Variants in PDP2 observed in about 807,000 individuals in gnomAD.
PDP2 encodes the protein pyruvate dehydrogenase phosphatase catalytic subunit 2.
A neutral mutation model predicts 34.2 loss-of-function variants in PDP2; 23 were observed. The ratio of observed to expected loss-of-function variants is 0.67; its 90% CI spans 0.48 to 0.95. PDP2 has a LOEUF of 0.95. Ranked by LOEUF, PDP2 falls within the 40% of genes least tolerant of loss-of-function variation. The pLI is 0.00. For missense variants in PDP2, 571 were observed against 659.6 expected, an observed-to-expected ratio of 0.87 and a Z score of 1.47; for synonymous variants, 275 against 269.2, an observed-to-expected ratio of 1.02 and a Z score of -0.21.
rs765846303 is a variant in PDP2, at chr16:66,885,110, G to T, written c.826G>T (p.Gly276Ter). Residue 276 changes from glycine to a stop codon, truncating the protein, a stop_gained, in exon 2 of 2, where the codon GGA becomes TGA. Transcript: ENST00000311765. LOFTEE classifies it high-confidence loss of function. This position sits in a 1 kb window ranked among gnomAD's most constrained non-coding sequence, Gnocchi z 4.6. ...AACAGCTTGCATGGCCCATGTTGAT[G>T]GAATTCACTTGCACGTGGCAAATGC... The part of the protein sequence containing the change: ...GATACMAHVD[G>*]IHLHVANAGD... The T allele has an allele frequency of 6.2e-7, 1 of 1,614,006 alleles. No homozygotes were observed.
rs541500962 is a variant in PDP2 at position 66,887,324 on chromosome 16, C to T, written c.*1450C>T. On this transcript the variant is annotated 3_prime_UTR_variant, in exon 2 of 2. Transcript: ENST00000311765. ...GCATTTAAACAACAGGAAATGTGTC[C>T]CTAAATGGAAACAAATATAATCCCA... The T allele has an allele frequency of 1.0e-3, 174 of 166,480 alleles. No individual in the cohort carries two copies. The highest frequency in any genetic ancestry group is 2.0e-3 in the Non-Finnish European group (133 of 68,110). The allele number at this position is 166,480 out of a possible 1,614,324, so 10.3% of individuals were successfully genotyped here.
Position 66,886,588 on chromosome 16 carries a change from GC to G in PDP2, c.*715del, listed in dbSNP as rs1961775600. ...CTCTGGACCAGCTGAACTTACTGGTGCAGCTTTTTGTGCCCTCTACTGAGTC... is the reference window on the plus strand; with the variant it reads ...CTCTGGACCAGCTGAACTTACTGGTGAGCTTTTTGTGCCCTCTACTGAGTC... On this transcript the variant is annotated 3_prime_UTR_variant, in exon 2 of 2. Coordinates refer to ENST00000311765, the MANE Select transcript of PDP2 (RefSeq NM_020786.4). The G allele has an allele frequency of 2.1e-6, 1 of 466,224 alleles. No homozygotes were observed. 28.9% of individuals were successfully genotyped at this position (466,224 alleles called of 1,614,324 possible). A position where few individuals can be genotyped will look rare whatever the true frequency, so the allele number is the denominator to read the frequency against.
At chr16:66,883,421 C>T (rs1432031502) in intron 1 of PDP2, among the ~76,000 whole-genome samples, 1 of 151,752 alleles carries the variant, frequency 6.6e-6, no homozygotes, top group Admixed American at 6.6e-5. Flanking sequence ...CGTGAGCCAC[C>T]GCGTCAGGCC....
chr16:66,887,958 A>G lies in PDP2; in HGVS notation c.*2084A>G, dbSNP rs1021726237. 9 of 151,740 alleles carry G rather than the reference A, an allele frequency of 5.9e-5. 1 individual carries two copies. Among genetic ancestry groups the G allele is most frequent in the Non-Finnish European group, 1.5e-5 (1 of 67,912 alleles). The allele number at this position is 151,740 out of a possible 1,614,324, so 9.4% of individuals were successfully genotyped here. ...CAAGAGTGAAACTCTGTCTCAAAAA[A>G]AAAAAAAAAAAATCCATCTTATCTC... On this transcript the variant is annotated 3_prime_UTR_variant, in exon 2 of 2. Transcript: ENST00000311765.
In PDP2 at chr16:66,890,835, TGGCACTATCTGAGTGGAA is replaced by T. The variant is rs1306138683; in HGVS notation, c.*4962_*4979del. ...GCCAGCCTGTGATGAGAGCTGCCCC[TGGCACTATCTGAGTGGAA>T]AGCTCATTGGGACAGCCATGCAGCT... On this transcript the variant is annotated 3_prime_UTR_variant, in exon 2 of 2. Coordinates refer to ENST00000311765, the MANE Select transcript of PDP2 (RefSeq NM_020786.4). 1.3e-5 allele frequency: 2 copies of T among 152,212 alleles called. No homozygotes were observed. Among genetic ancestry groups the T allele is most frequent in the Non-Finnish European group, 2.9e-5 (2 of 68,036 alleles). The allele number at this position is 152,212 out of a possible 1,614,324, so 9.4% of individuals were successfully genotyped here. A position where few individuals can be genotyped will look rare whatever the true frequency, so the allele number is the denominator to read the frequency against.
In PDP2 at chr16:66,887,480, G is replaced by T. The variant is rs1961810753; in HGVS notation, c.*1606G>T. ...TACTGAAAAGAAAAACAAATAGCTA[G>T]GTTTGGTTTCCTGTTTTTTGTCTAT... On this transcript the variant is annotated 3_prime_UTR_variant, in exon 2 of 2. Coordinates refer to ENST00000311765, the MANE Select transcript of PDP2 (RefSeq NM_020786.4). 1 of 167,006 alleles carries T rather than the reference G, an allele frequency of 6.0e-6. No individual in the cohort carries two copies. Among genetic ancestry groups the T allele is most frequent in the Non-Finnish European group, 1.5e-5 (1 of 68,102 alleles). 10.3% of individuals were successfully genotyped at this position (167,006 alleles called of 1,614,324 possible). A position where few individuals can be genotyped will look rare whatever the true frequency, so the allele number is the denominator to read the frequency against.
rs747034522 is a variant in PDP2, at chr16:66,885,026, G to T, written c.742G>T (p.Ala248Ser). Residue 248 changes from alanine to serine, a missense_variant, in exon 2 of 2, where the codon GCC becomes TCC. Ala to Ser is a moderately conservative substitution (Grantham distance 99). Coordinates refer to ENST00000311765, the MANE Select transcript of PDP2 (RefSeq NM_020786.4). The surrounding 1 kb of genome is among the most constrained non-coding windows in gnomAD (Gnocchi z 4.6). The stretch of plus-strand genomic sequence containing the variant: ...TTCTGACATCTCGCTGGAAATCCAG[G>T]CCCCCCTGGAAGATGAGGTGACAAG... ...LDSDISLEIQAPLEDEVTRNL... is the reference protein window; with the variant it reads ...LDSDISLEIQSPLEDEVTRNL... The T allele has an allele frequency of 6.8e-6, 11 of 1,613,400 alleles. No homozygotes were observed. The highest frequency in any genetic ancestry group is 4.5e-5 in the East Asian group (2 of 44,884).
chr16:66,884,863 A>G lies in PDP2; in HGVS notation c.579A>G (p.Pro193=), dbSNP rs1693487427. 1 of 1,613,954 alleles carries G rather than the reference A, an allele frequency of 6.2e-7. No homozygotes were observed. The highest frequency in any genetic ancestry group is 1.3e-5 in the African/African-American group (1 of 74,932). The part of the protein sequence containing the change: ...LLPILHWLKH[P]GDSIYKDVTS... ...CCATCCTGCATTGGCTCAAGCACCC[A>G]GGGGACAGTATCTACAAGGATGTCA... The change falls in exon 2 of 2, where the codon CCA becomes CCG. Residue 193 remains proline, a synonymous_variant. Coordinates refer to ENST00000311765, the MANE Select transcript of PDP2 (RefSeq NM_020786.4).
chr16:66,889,169 TTAAAA>T lies in PDP2; in HGVS notation c.*3297_*3301del, dbSNP rs1293828305. The T allele has an allele frequency of 6.6e-6, 1 of 152,262 alleles. No individual in the cohort carries two copies. Among genetic ancestry groups the T allele is most frequent in the Non-Finnish European group, 1.5e-5 (1 of 68,044 alleles). 9.4% of individuals were successfully genotyped at this position (152,262 alleles called of 1,614,324 possible). On this transcript the variant is annotated 3_prime_UTR_variant, in exon 2 of 2. Transcript: ENST00000311765. ...TATACGGAGATTTCAGTATTGAGAC[TTAAAA>T]TGAACTGAAAAATGAGATTGAACAT...
rs781645732 is a variant in PDP2 at position 66,884,890 on chromosome 16, A to G, written c.606A>G (p.Thr202=). 6 of 1,614,052 alleles carry G rather than the reference A, an allele frequency of 3.7e-6. No individual in the cohort carries two copies. Among genetic ancestry groups the G allele is most frequent in the South Asian group, 2.2e-5 (2 of 91,094 alleles). ...GGGACAGTATCTACAAGGATGTCAC[A>G]TCTGTGCATCTTGACCACCTCCGTG... ...HPGDSIYKDV[T]SVHLDHLRVY... Residue 202 remains threonine, a synonymous_variant, in exon 2 of 2, where the codon ACA becomes ACG. Coordinates refer to ENST00000311765, the MANE Select transcript of PDP2 (RefSeq NM_020786.4).
rs927918302 is a variant in PDP2 at position 66,885,204 on chromosome 16, G to A, written c.920G>A (p.Arg307His). ...ATGTGGTCTTGTCTGCCCCTTACAC[G>A]TGACCACAATGCCTGGAACCAGGCC... Reference protein sequence around the residue: ...NGMWSCLPLTRDHNAWNQAEL... With the variant: ...NGMWSCLPLTHDHNAWNQAEL... The change falls in exon 2 of 2, where the codon CGT becomes CAT. Residue 307 changes from arginine (R) to histidine (H), a missense_variant. Around this residue, in one of 2 missense-constraint regions of PDP2, gnomAD observed 281 missense variants for 375.8 expected, o/e 0.75. Coordinates refer to ENST00000311765, the MANE Select transcript of PDP2 (RefSeq NM_020786.4). The surrounding 1 kb of genome is among the most constrained non-coding windows in gnomAD (Gnocchi z 4.6). 43 of 1,613,880 alleles carry A rather than the reference G, an allele frequency of 2.7e-5. No individual in the cohort carries two copies. Among genetic ancestry groups the A allele is most frequent in the Admixed American group, 1.8e-4 (11 of 59,990 alleles).
rs758081116 is a variant in PDP2 at position 66,886,087 on chromosome 16, T to C, written c.*213T>C. ...CCCTGTATGTTCTGATTAAGTCTTA[T>C]ATGCAGAGAGGACAGAGCATAAAGT... On this transcript the variant is annotated 3_prime_UTR_variant, in exon 2 of 2. Transcript: ENST00000311765. 1.8e-6 allele frequency: 1 copy of C among 564,104 alleles called. No homozygotes were observed. The highest frequency in any genetic ancestry group is 3.2e-6 in the Non-Finnish European group (1 of 308,938). The allele number at this position is 564,104 out of a possible 1,614,324, so 34.9% of individuals were successfully genotyped here.
In PDP2 at chr16:66,888,679, C is replaced by G. The variant is rs1332047781; in HGVS notation, c.*2805C>G. Reference sequence around the variant, plus strand: ...TTGCTATGTTGCTCAGGCTGGTTGTCTGGCATTTTCTTTGTCCTTTATTCT... The same window carrying G: ...TTGCTATGTTGCTCAGGCTGGTTGTGTGGCATTTTCTTTGTCCTTTATTCT... On this transcript the variant is annotated 3_prime_UTR_variant, in exon 2 of 2. Transcript: ENST00000311765. 1 of 152,212 alleles carries G rather than the reference C, an allele frequency of 6.6e-6. No homozygotes were observed. The highest frequency in any genetic ancestry group is 1.5e-5 in the Non-Finnish European group (1 of 68,042). The allele number at this position is 152,212 out of a possible 1,614,324, so 9.4% of individuals were successfully genotyped here. A position where few individuals can be genotyped will look rare whatever the true frequency, so the allele number is the denominator to read the frequency against.
chr16:66,886,405 C>CTT lies in PDP2; in HGVS notation c.*540_*541dup. ...GACCCTTTTCTATGCAATATCCTAA[C>CTT]TTTTTTTTTTGTGATTATGCTTGTG... On this transcript the variant is annotated 3_prime_UTR_variant, in exon 2 of 2. Coordinates refer to ENST00000311765, the MANE Select transcript of PDP2 (RefSeq NM_020786.4). 3.4e-5 allele frequency: 11 copies of CTT among 327,670 alleles called. No homozygotes were observed. The highest frequency in any genetic ancestry group is 4.2e-4 in the Middle Eastern group (1 of 2,360). 20.3% of individuals were successfully genotyped at this position (327,670 alleles called of 1,614,324 possible). A position where few individuals can be genotyped will look rare whatever the true frequency, so the allele number is the denominator to read the frequency against.
Position 66,884,853 on chromosome 16 carries a change from T to A in PDP2, c.569T>A (p.Leu190His). The A allele has an allele frequency of 6.2e-7, 1 of 1,614,016 alleles. No individual in the cohort carries two copies. Among genetic ancestry groups the A allele is most frequent in the Non-Finnish European group, 8.5e-7 (1 of 1,179,952 alleles). Residue 190 changes from leucine to histidine, a missense_variant, in exon 2 of 2, where the codon CTC becomes CAC. Physicochemically the swap from Leu to His is moderately conservative, Grantham distance 99. Transcript: ENST00000311765. ...MKPLLPILHW[L>H]KHPGDSIYKD... ...CCCTTGCTGCCCATCCTGCATTGGC[T>A]CAAGCACCCAGGGGACAGTATCTAC... is the stretch of plus-strand genomic sequence containing the variant.
chr16:66,882,676 T>C (rs1961574703), intron 1 of PDP2, among the ~76,000 whole-genome samples: 1 of 152,182 alleles, frequency 6.6e-6, no homozygotes, highest in African/African-American at 2.4e-5. Context: ...TAGTGTGCTA[T>C]TGGGCCTCTG....
At position 66,889,206 on chromosome 16, in the gene PDP2, T is replaced by A. The variant is rs922158841; in HGVS notation, c.*3332T>A. ...GAAAAATGAGATTGAACATTTAATA[T>A]TTTGGATGTAACTTTTGAAGAAAGT... On this transcript the variant is annotated 3_prime_UTR_variant, in exon 2 of 2. Coordinates refer to ENST00000311765, the MANE Select transcript of PDP2 (RefSeq NM_020786.4). The A allele has an allele frequency of 4.6e-5, 7 of 152,256 alleles. No homozygotes were observed. The highest frequency in any genetic ancestry group is 3.3e-4 in the Admixed American group (5 of 15,286). The allele number at this position is 152,256 out of a possible 1,614,324, so 9.4% of individuals were successfully genotyped here. A position where few individuals can be genotyped will look rare whatever the true frequency, so the allele number is the denominator to read the frequency against.
rs1209729970 is a variant in PDP2 at position 66,887,980 on chromosome 16, T to C, written c.*2106T>C. The C allele has an allele frequency of 7.0e-6, 1 of 142,424 alleles. No individual in the cohort carries two copies. Among genetic ancestry groups the C allele is most frequent in the Non-Finnish European group, 1.5e-5 (1 of 64,764 alleles). The allele number at this position is 142,424 out of a possible 1,614,324, so 8.8% of individuals were successfully genotyped here. ...AAAAAAAAAAAAAAAATCCATCTTA[T>C]CTCTTAGTCCGTCCTTCCTTCCTTC... is the stretch of plus-strand genomic sequence containing the variant. On this transcript the variant is annotated 3_prime_UTR_variant, in exon 2 of 2. Coordinates refer to ENST00000311765, the MANE Select transcript of PDP2 (RefSeq NM_020786.4).
At chr16:66,882,508 T>A (rs778099398) in intron 1 of PDP2, among the ~76,000 whole-genome samples, 3 of 148,328 alleles carry the variant, frequency 2.0e-5, no homozygotes, top group Non-Finnish European at 4.4e-5. Flanking sequence ...TACCTAATGA[T>A]GAAAATAATA....
Sources: allele counts gnomAD v4.1 joint callset (sites outside exome capture counted in the v4.1 genomes callset), GRCh38; gene constraint gnomAD v4.1.1; regional missense constraint gnomAD v4.1.1; non-coding constraint Gnocchi (gnomAD v3.1); transcripts MANE v1.5; gene names NCBI Gene and HGNC (gene_info 2026-07-23, HGNC 2026-07-21).